Variants in GPR158 observed in about 807,000 individuals in gnomAD.
GPR158 encodes the protein G protein-coupled receptor 158, also known as metabotropic glycine receptor.
Under a neutral mutation model 78.2 loss-of-function variants are expected in GPR158, and 30 were observed. That is an observed-to-expected ratio of 0.38 (90% CI 0.29 to 0.52). The LOEUF (loss-of-function observed/expected upper bound fraction) is 0.52, where lower values mean the gene tolerates loss of function less well. Ranked by LOEUF, GPR158 falls within the 20% of genes least tolerant of loss-of-function variation. GPR158 has a pLI of 0.83. For missense variants in GPR158, 1,463 were observed against 1,523.5 expected (o/e 0.96, Z 0.66); for synonymous variants, 581 against 591.1 (o/e 0.98, Z 0.25).
chr10:25,569,240 G>A (rs1240427920), intron 6 of GPR158, among the ~76,000 whole-genome samples: 1 of 151,508 alleles, frequency 6.6e-6, no homozygotes, highest in Non-Finnish European at 1.5e-5. Context: ...TACCCAAAGG[G>A]CCATCTAGAA....
intron 2 of GPR158, among the ~76,000 whole-genome samples, chr10:25,290,227 T>C (rs937601626): frequency 1.1e-4 from 17 of 152,230 alleles, no homozygotes; most frequent in African/African-American, 3.9e-4. Flanking sequence ...TTTCATAACA[T>C]TGGCTTTTTG....
chr10:25,545,686 G>A (rs1169696181), intron 5 of GPR158, among the ~76,000 whole-genome samples: 1 of 151,970 alleles, frequency 6.6e-6, no homozygotes, highest in Non-Finnish European at 1.5e-5. Flanking sequence ...ACCTAGATCC[G>A]AATTCGATGT....
At chr10:25,389,868 C>G (rs763883024) in intron 2 of GPR158, among the ~76,000 whole-genome samples, 5 of 152,146 alleles carry the variant, frequency 3.3e-5, no homozygotes, top group Non-Finnish European at 5.9e-5. Flanking sequence ...GGCTTTATTC[C>G]CACCCAAGTC....
intron 8 of GPR158, among the ~76,000 whole-genome samples, chr10:25,594,042 A>C (rs541419723): frequency 9.9e-5 from 15 of 152,222 alleles, no homozygotes; most frequent in African/African-American, 3.6e-4. Flanking sequence ...CAAAATAATA[A>C]TCTTGGGAAT....
At chr10:25,554,490 G>A (rs924362056) in intron 6 of GPR158, among the ~76,000 whole-genome samples, 4 of 152,202 alleles carry the variant, frequency 2.6e-5, no homozygotes, top group Non-Finnish European at 4.4e-5. Flanking sequence ...CTGAAAACTT[G>A]AAACAAACAT....
chr10:25,593,728 C>T (rs1334301849), intron 8 of GPR158, among the ~76,000 whole-genome samples: 1 of 152,002 alleles, frequency 6.6e-6, no homozygotes, highest in African/African-American at 2.4e-5. Context: ...TTATTTTAGA[C>T]AATTTGATAA....
chr10:25,426,426 C>T (rs563866867), intron 4 of GPR158, among the ~76,000 whole-genome samples: 1 of 152,196 alleles, frequency 6.6e-6, no homozygotes, highest in African/African-American at 2.4e-5. Context: ...CGATATGCCT[C>T]CCTAAGTGTA....
At chr10:25,357,772 G>A (rs767683329) in intron 2 of GPR158, among the ~76,000 whole-genome samples, 1 of 149,948 alleles carries the variant, frequency 6.7e-6, no homozygotes, top group Non-Finnish European at 1.5e-5. Context: ...AAAGGGAAAT[G>A]TGGGGTCAGA....
intron 5 of GPR158, among the ~76,000 whole-genome samples, chr10:25,509,316 C>T (rs775880125): frequency 1.3e-5 from 2 of 152,094 alleles, no homozygotes; most frequent in Non-Finnish European, 1.5e-5. Context: ...GGACTTCGTG[C>T]GCAGGGTTGT....
intron 6 of GPR158, among the ~76,000 whole-genome samples, chr10:25,557,845 A>G (rs1287894545): frequency 1.3e-5 from 2 of 152,172 alleles, no homozygotes; most frequent in African/African-American, 4.8e-5. Context: ...AATCATTTTA[A>G]TGGTCCTTCC....
intron 8 of GPR158, among the ~76,000 whole-genome samples, chr10:25,591,389 C>T (rs959451196): frequency 6.6e-6 from 1 of 152,094 alleles, no homozygotes; most frequent in Non-Finnish European, 1.5e-5. Context: ...ATGTTAAATA[C>T]TGATTGAAAA....
intron 1 of GPR158, among the ~76,000 whole-genome samples, chr10:25,202,152 T>C (rs1410292305): frequency 6.6e-6 from 1 of 152,132 alleles, no homozygotes; most frequent in East Asian, 1.9e-4. Flanking sequence ...TTTACTTCTA[T>C]ACTTTTTATA....
chr10:25,234,196 ACTCT>A (rs1242388024), intron 2 of GPR158, among the ~76,000 whole-genome samples: 3 of 151,512 alleles, frequency 2.0e-5, no homozygotes, highest in African/African-American at 7.3e-5. Context: ...TGGTTTCTGG[ACTCT>A]CTCTCTCTTC....
chr10:25,248,717 GC>G (rs1184732100), intron 2 of GPR158, among the ~76,000 whole-genome samples: 3 of 150,742 alleles, frequency 2.0e-5, no homozygotes, highest in Non-Finnish European at 4.4e-5. Flanking sequence ...GGTTACTGTA[GC>G]CTTGTAGTAA....
rs1247158810 is a variant in GPR158, at chr10:25,187,992, GACAA to G, written c.902+11674_902+11677del. 9.9e-5 allele frequency among the ~76,000 whole-genome samples: 15 copies of G among 152,210 alleles called. No individual in the cohort carries two copies. In the East Asian group the frequency reaches 2.9e-3, roughly 29 times the overall value. On this transcript the variant is annotated intron_variant, in intron 1 of 10. Coordinates refer to ENST00000376351, the MANE Select transcript of GPR158 (RefSeq NM_020752.3). ...CAAGCATTCCTATACACCAATAACA[GACAA>G]ACAGAGAGCCAAATTATGAGTGAAC...
intron 4 of GPR158, among the ~76,000 whole-genome samples, chr10:25,432,711 A>G (rs923621223): frequency 3.3e-5 from 5 of 151,952 alleles, no homozygotes; most frequent in African/African-American, 9.7e-5. Flanking sequence ...GCACTTCCCA[A>G]TTTTTTCTTT....
At chr10:25,555,374 G>T (rs144070046) in intron 6 of GPR158, among the ~76,000 whole-genome samples, 1 of 152,262 alleles carries the variant, frequency 6.6e-6, no homozygotes, top group East Asian at 1.9e-4. Flanking sequence ...GATCATAAAG[G>T]AAAAGGAGCT....
intron 4 of GPR158, among the ~76,000 whole-genome samples, chr10:25,424,923 A>G (rs113835297): frequency 0.028 from 4,286 of 152,302 alleles, 83 homozygotes; most frequent in Non-Finnish European, 0.043. Flanking sequence ...CTGTGAAGAA[A>G]GTCTTTGGTA....
chr10:25,571,522 A>G (rs1318458302), intron 6 of GPR158, among the ~76,000 whole-genome samples: 1 of 152,240 alleles, frequency 6.6e-6, no homozygotes, highest in Non-Finnish European at 1.5e-5. Flanking sequence ...AGAATAGAAC[A>G]TTGAGAAAAT....
Sources: gnomAD v4.1 joint callset for allele counts (sites outside exome capture counted in the v4.1 genomes callset) on GRCh38, gnomAD v4.1.1 for gene constraint, MANE v1.5 for transcripts, NCBI Gene and HGNC (gene_info 2026-07-23, HGNC 2026-07-21) for gene names.